Variants in EXOC6B observed in about 807,000 individuals in gnomAD.
EXOC6B encodes exocyst complex component 6B, also known as SEC15 homolog B.
Under a neutral mutation model 113.5 loss-of-function variants are expected in EXOC6B, and 54 were observed. The ratio of observed to expected loss-of-function variants is 0.48; its 90% confidence interval spans 0.38 to 0.60. EXOC6B has a LOEUF of 0.60. EXOC6B is among the 20% of genes least tolerant of loss of function. EXOC6B has a pLI of 0.00. For missense variants in EXOC6B, 797 were observed against 977.5 expected, an observed-to-expected ratio of 0.82 and a Z score of 2.46; for synonymous variants, 357 against 339.0, an observed-to-expected ratio of 1.05 and a Z score of -0.58.
At chr2:72,407,172 T>C (rs1366411564) in intron 18 of EXOC6B, among the ~76,000 whole-genome samples, 8 of 152,166 alleles carry the variant, frequency 5.3e-5, no homozygotes, top group East Asian at 1.9e-4. Flanking sequence ...CAGGAAGAAG[T>C]TGAATCTCTG....
Position 72,810,384 on chromosome 2 carries a change from T to TAAAA in EXOC6B, c.113+15410_113+15413dup, listed in dbSNP as rs1553488624. ...ATAAATAAATAAATAAATAAATAAA[T>TAAAA]AAAATACAGTGAAGTGTATGAAAAT... On this transcript the variant is annotated intron_variant, in intron 1 of 21. Coordinates refer to ENST00000272427, the MANE Select transcript of EXOC6B (RefSeq NM_015189.3). Among the ~76,000 whole-genome samples, 95 of 127,830 alleles carry TAAAA rather than the reference T, an allele frequency of 7.4e-4. 1 individual carries two copies. Among genetic ancestry groups the TAAAA allele is most frequent in the African/African-American group, 2.4e-3 (87 of 35,854 alleles). The allele number at this position is 127,830 out of a possible 152,430, so 83.9% of individuals were successfully genotyped here. A position where few individuals can be genotyped will look rare whatever the true frequency, so the allele number is the denominator to read the frequency against.
intron 8 of EXOC6B, among the ~76,000 whole-genome samples, chr2:72,553,304 T>C (rs1261357561): frequency 6.6e-6 from 1 of 152,044 alleles, no homozygotes; most frequent in East Asian, 1.9e-4. Context: ...GAAAGCTCAA[T>C]TAAATAATTT....
chr2:72,367,388 T>C (rs952035303), intron 19 of EXOC6B, among the ~76,000 whole-genome samples: 9 of 151,582 alleles, frequency 5.9e-5, no homozygotes, highest in African/African-American at 2.2e-4. Context: ...AAAGGAAATA[T>C]AAAATGAATA....
At chr2:72,610,285 G>A (rs973863278) in intron 6 of EXOC6B, among the ~76,000 whole-genome samples, 4 of 152,118 alleles carry the variant, frequency 2.6e-5, no homozygotes, top group African/African-American at 9.7e-5. Context: ...ATTACTTTGC[G>A]CTATCCATTG....
intron 6 of EXOC6B, among the ~76,000 whole-genome samples, chr2:72,669,204 C>T (rs755505297): frequency 4.6e-5 from 7 of 152,040 alleles, no homozygotes; most frequent in Non-Finnish European, 7.4e-5. Flanking sequence ...TCACCAGTAT[C>T]TCAAGAACAA....
chr2:72,531,379 C>T (rs1170056193), intron 8 of EXOC6B, among the ~76,000 whole-genome samples: 1 of 152,122 alleles, frequency 6.6e-6, no homozygotes, highest in Non-Finnish European at 1.5e-5. Context: ...ATTTATAATA[C>T]AATTGTCTGA....
intron 1 of EXOC6B, among the ~76,000 whole-genome samples, chr2:72,811,381 A>G (rs985480267): frequency 5.3e-5 from 8 of 152,216 alleles, no homozygotes; most frequent in African/African-American, 1.9e-4. Flanking sequence ...CTCAAAAAAT[A>G]CAGACTACAA....
intron 18 of EXOC6B, among the ~76,000 whole-genome samples, chr2:72,391,911 C>G (rs539051511): frequency 2.0e-5 from 3 of 152,210 alleles, no homozygotes. Flanking sequence ...TGGGTGCTTT[C>G]TACAGACCCA....
At chr2:72,224,206 G>A (rs1681055564) in intron 20 of EXOC6B, among the ~76,000 whole-genome samples, 2 of 152,184 alleles carry the variant, frequency 1.3e-5, no homozygotes, top group East Asian at 1.9e-4. Flanking sequence ...TACACCTAAC[G>A]ATTAGCAAAT....
intron 18 of EXOC6B, among the ~76,000 whole-genome samples, chr2:72,397,981 TATAGC>T (rs1423162025): frequency 6.6e-6 from 1 of 152,080 alleles, no homozygotes; most frequent in African/African-American, 2.4e-5. Flanking sequence ...AAGGAAAGGG[TATAGC>T]ATTTGTAATG....
chr2:72,244,612 G>C (rs994415551), intron 20 of EXOC6B, among the ~76,000 whole-genome samples: 1 of 151,930 alleles, frequency 6.6e-6, no homozygotes, highest in Non-Finnish European at 1.5e-5. Flanking sequence ...ACAAAAACCT[G>C]GTTCTTTAAA....
rs565473180 is a variant in EXOC6B at position 72,420,443 on chromosome 2, T to A, written c.1981-40573A>T. ...TGATGTTCCCCTCCCTGTGTCCATG[T>A]GTTCTCATTGTTCACCTCCCACTTA... On this transcript the variant is annotated intron_variant, in intron 18 of 21. Transcript: ENST00000272427. Among the ~76,000 whole-genome samples the A allele has an allele frequency of 3.7e-4, 57 of 152,308 alleles. 2 individuals are homozygous for A. In the South Asian group the frequency reaches 0.012, roughly 32 times the overall value.
chr2:72,717,023 G>C (rs1257712579), intron 6 of EXOC6B, among the ~76,000 whole-genome samples: 3 of 152,064 alleles, frequency 2.0e-5, no homozygotes, highest in Non-Finnish European at 2.9e-5. Context: ...TATTGTCACT[G>C]ATTAATTTTA....
intron 1 of EXOC6B, among the ~76,000 whole-genome samples, chr2:72,761,869 T>A (rs1330558474): frequency 5.3e-5 from 8 of 152,112 alleles, no homozygotes; most frequent in Non-Finnish European, 1.2e-4. Flanking sequence ...TCCCAGCTAC[T>A]CAGGAGGCTG....
At chr2:72,264,663 G>A (rs769461171) in intron 20 of EXOC6B, among the ~76,000 whole-genome samples, 3 of 151,940 alleles carry the variant, frequency 2.0e-5, no homozygotes, top group African/African-American at 4.8e-5. Context: ...TGATCCCCAC[G>A]TGTCAAGGGT....
chr2:72,458,753 G>A (rs961824442), intron 18 of EXOC6B, among the ~76,000 whole-genome samples: 1 of 152,050 alleles, frequency 6.6e-6, no homozygotes, highest in African/African-American at 2.4e-5. Flanking sequence ...GTAAAAGCAT[G>A]CATTTTAATT....
intron 18 of EXOC6B, among the ~76,000 whole-genome samples, chr2:72,406,629 G>C (rs979424800): frequency 3.5e-4 from 54 of 152,250 alleles, no homozygotes; most frequent in Non-Finnish European, 1.5e-4. Context: ...AATGAAGGCA[G>C]AAATAAAGAT....
At chr2:72,271,562 G>C (rs1018228853) in intron 20 of EXOC6B, among the ~76,000 whole-genome samples, 4 of 151,540 alleles carry the variant, frequency 2.6e-5, no homozygotes, top group African/African-American at 9.7e-5. Flanking sequence ...GAAGGAGAGG[G>C]AGAAAAAGAA....
intron 1 of EXOC6B, among the ~76,000 whole-genome samples, chr2:72,756,047 T>A (rs1229298321): frequency 6.6e-6 from 1 of 152,192 alleles, no homozygotes; most frequent in Admixed American, 6.5e-5. Context: ...GAGAGAAACA[T>A]TTTGTTGGCA....
Sources: allele counts gnomAD v4.1 joint callset (sites outside exome capture counted in the v4.1 genomes callset), GRCh38; gene constraint gnomAD v4.1.1; transcripts MANE v1.5; gene names NCBI Gene and HGNC (gene_info 2026-07-23, HGNC 2026-07-21).